Variants in FBXL20 observed in about 807,000 individuals in gnomAD.
FBXL20 encodes F-box and leucine rich repeat protein 20.
FBXL20 carries 11 observed loss-of-function variants against 64.0 expected under a neutral mutation model. That is an observed-to-expected ratio of 0.17 (90% CI 0.11 to 0.28). FBXL20 has a LOEUF of 0.28. Ranked by LOEUF, FBXL20 falls within the 10% of genes least tolerant of loss-of-function variation. The probability of loss-of-function intolerance (pLI) is 1.00; values close to 1 mark genes in which losing one functional copy is unlikely to be tolerated. For synonymous variants in FBXL20, 184 were observed against 189.0 expected (o/e 0.97, Z 0.22); for missense variants, 303 against 526.2 (o/e 0.58, Z 4.15).
intron 2 of FBXL20, among the ~76,000 whole-genome samples, chr17:39,332,445 T>C (rs2047470401): frequency 1.3e-5 from 2 of 152,086 alleles, no homozygotes; most frequent in African/African-American, 4.8e-5. Context: ...CCCTGTGTGG[T>C]TCCACTGGGA....
chr17:39,377,205 G>C (rs1281905438), intron 1 of FBXL20, among the ~76,000 whole-genome samples: 3 of 152,040 alleles, frequency 2.0e-5, no homozygotes, highest in Non-Finnish European at 4.4e-5. Flanking sequence ...GCACTTGATG[G>C]ATCAGCTGGC....
intron 6 of FBXL20, among the ~76,000 whole-genome samples, chr17:39,288,352 TTTAA>T (rs1480043218): frequency 6.6e-6 from 1 of 152,220 alleles, no homozygotes; most frequent in Non-Finnish European, 1.5e-5. Context: ...TTTTTGTTCG[TTTAA>T]TTGTCTTCTC....
In FBXL20 at chr17:39,264,333, C is replaced by T. The variant is rs749589189; in HGVS notation, c.1045G>A (p.Gly349Arg). ...TDDGIRHLGN[G>R]ACAHDQLEVI... ...TCCAGCTGGTCATGGGCGCAGGCCCCATTCCCCAGGTGACGAATTCCATCA... is the reference window on the plus strand; with the variant it reads ...TCCAGCTGGTCATGGGCGCAGGCCCTATTCCCCAGGTGACGAATTCCATCA... The change falls in exon 14 of 15, where the codon GGG becomes AGG. Residue 349 changes from glycine to arginine, a missense_variant. Around this residue, in one of 3 missense-constraint regions of FBXL20, gnomAD observed 246 missense variants for 422.6 expected, o/e 0.58. Coordinates refer to ENST00000264658, the MANE Select transcript of FBXL20 (RefSeq NM_032875.3). The T allele has an allele frequency of 2.5e-6, 4 of 1,614,112 alleles. No individual in the cohort carries two copies. The Admixed American group carries it at 6.7e-5, about 27-fold the overall frequency.
upstream of FBXL20, chr17:39,402,001 T>C: frequency 1.8e-6 from 1 of 550,710 alleles, no homozygotes; most frequent in Non-Finnish European, 2.7e-6. Context: ...CGGGGGCCCC[T>C]CTTCTGCCCC....
chr17:39,366,984 G>A (rs2047866494), intron 1 of FBXL20, among the ~76,000 whole-genome samples: 1 of 150,502 alleles, frequency 6.6e-6, no homozygotes, highest in South Asian at 2.1e-4. Context: ...CTGGGTTCAC[G>A]CTATTCTGCT....
chr17:39,286,010 A>G (rs2046985326), intron 6 of FBXL20, among the ~76,000 whole-genome samples: 1 of 152,186 alleles, frequency 6.6e-6, no homozygotes, highest in African/African-American at 2.4e-5. Flanking sequence ...GCATAACACT[A>G]ATGTAGGAAC....
At chr17:39,332,842 T>C (rs556950779) in intron 2 of FBXL20, among the ~76,000 whole-genome samples, 280 of 152,200 alleles carry the variant, frequency 1.8e-3, no homozygotes, top group Non-Finnish European at 3.8e-3. Flanking sequence ...TGCCCAGCTG[T>C]ATCCTTTCTT....
intron 1 of FBXL20, among the ~76,000 whole-genome samples, chr17:39,362,295 A>T (rs555365033): frequency 5.7e-4 from 87 of 151,866 alleles, no homozygotes; most frequent in East Asian, 3.5e-3. Flanking sequence ...TCCGTCTCAA[A>T]AAAAAAAGAA....
rs34511351 is a variant in FBXL20, at chr17:39,275,102, TA to T, written c.697-3del. On this transcript the variant is annotated splice_polypyrimidine_tract_variant and splice_region_variant and intron_variant, in intron 9 of 14. Coordinates refer to ENST00000264658, the MANE Select transcript of FBXL20 (RefSeq NM_032875.3). The stretch of plus-strand genomic sequence containing the variant: ...AATGAGACCTTCATCTGTGATTTGC[TA>T]AAAAACAAGAGCAAAAAAATCCATA... 2 of 1,597,562 alleles carry T rather than the reference TA, an allele frequency of 1.3e-6. No individual in the cohort carries two copies. Among genetic ancestry groups the T allele is most frequent in the Non-Finnish European group, 8.5e-7 (1 of 1,174,318 alleles).
chr17:39,369,691 C>G (rs1450288178), intron 1 of FBXL20, among the ~76,000 whole-genome samples: 2 of 151,944 alleles, frequency 1.3e-5, no homozygotes, highest in East Asian at 3.9e-4. Flanking sequence ...GCTCTGTTGC[C>G]CAGGCTGTAG....
intron 10 of FBXL20, among the ~76,000 whole-genome samples, chr17:39,273,798 C>T (rs554488905): frequency 4.9e-5 from 7 of 142,754 alleles, no homozygotes; most frequent in Admixed American, 1.5e-4. Context: ...CCAGCCTGGG[C>T]GACAGAGCAA....
chr17:39,393,055 A>G (rs1410454935), intron 1 of FBXL20, among the ~76,000 whole-genome samples: 4 of 152,020 alleles, frequency 2.6e-5, no homozygotes, highest in Non-Finnish European at 5.9e-5. Flanking sequence ...TTGGGAAGCC[A>G]AGGCGGGCGG....
At chr17:39,332,691 G>A (rs1488045544) in intron 2 of FBXL20, among the ~76,000 whole-genome samples, 6 of 151,696 alleles carry the variant, frequency 4.0e-5, no homozygotes, top group African/African-American at 7.3e-5. Context: ...ACAGGTGCCC[G>A]CCACCAGGCC....
intron 9 of FBXL20, among the ~76,000 whole-genome samples, chr17:39,281,120 T>A (rs1419166232): frequency 6.6e-6 from 1 of 152,144 alleles, no homozygotes; most frequent in East Asian, 1.9e-4. Context: ...AAGTAGACAG[T>A]TTTTTTAAGT....
At chr17:39,377,182 T>C (rs2047975349) in intron 1 of FBXL20, among the ~76,000 whole-genome samples, 1 of 152,124 alleles carries the variant, frequency 6.6e-6, no homozygotes, top group Non-Finnish European at 1.5e-5. Context: ...GCTTGAGATA[T>C]TTTGCAGACC....
intron 2 of FBXL20, among the ~76,000 whole-genome samples, chr17:39,337,240 G>A (rs1373932347): frequency 4.6e-5 from 7 of 152,154 alleles, no homozygotes; most frequent in East Asian, 1.9e-4. Flanking sequence ...CGCCAGCCTC[G>A]GCCTCCCAAG....
intron 1 of FBXL20, among the ~76,000 whole-genome samples, chr17:39,389,333 G>A (rs1475737809): frequency 2.0e-5 from 3 of 152,112 alleles, no homozygotes; most frequent in Non-Finnish European, 2.9e-5. Flanking sequence ...GTGGGTGGCA[G>A]AAATAAGTTG....
At chr17:39,303,821 G>C (rs2047158371) in intron 2 of FBXL20, among the ~76,000 whole-genome samples, 182 bp from the exon 3 acceptor site, 1 of 152,072 alleles carries the variant, frequency 6.6e-6, no homozygotes, top group Non-Finnish European at 1.5e-5. Flanking sequence ...TGAGTAGCTA[G>C]GACTAGAGAT....
intron 2 of FBXL20, among the ~76,000 whole-genome samples, chr17:39,338,554 A>C (rs2047551597): frequency 6.6e-6 from 1 of 151,928 alleles, no homozygotes; most frequent in Non-Finnish European, 1.5e-5. Context: ...TAATAATAAT[A>C]AACGAAAAAA....
Sources: gnomAD v4.1 joint callset for allele counts (sites outside exome capture counted in the v4.1 genomes callset) on GRCh38, gnomAD v4.1.1 for gene constraint, gnomAD v4.1.1 regional missense constraint, MANE v1.5 for transcripts, NCBI Gene and HGNC (gene_info 2026-07-23, HGNC 2026-07-21) for gene names.